Variants in AGBL1 observed in about 807,000 individuals in gnomAD.
AGBL1 encodes AGBL carboxypeptidase 1.
Under a neutral mutation model 118.9 loss-of-function variants are expected in AGBL1, and 130 were observed. The ratio of observed to expected loss-of-function variants is 1.09; its 90% CI spans 0.95 to 1.26. AGBL1 has a LOEUF of 1.26. Among genes scored for constraint, AGBL1 ranks in the 50% most tolerant of loss-of-function variants. AGBL1 has a pLI of 0.00. For synonymous variants in AGBL1, 555 were observed against 478.9 expected (o/e 1.16, Z -2.08); for missense variants, 1,584 against 1,298.1 (o/e 1.22, Z -3.38).
chr15:86,649,508 G>T (rs2085335319), intron 21 of AGBL1, among the ~76,000 whole-genome samples: 1 of 152,084 alleles, frequency 6.6e-6, no homozygotes, highest in Non-Finnish European at 1.5e-5. Context: ...AGAGTGATGT[G>T]TTTTTCCCTA....
intron 1 of AGBL1, among the ~76,000 whole-genome samples, chr15:86,138,006 CA>C (rs1487332087): frequency 9.2e-5 from 14 of 152,160 alleles, no homozygotes; most frequent in Admixed American, 9.2e-4. Flanking sequence ...CAGGGAGTAT[CA>C]GTGGGCATTA....
At chr15:86,190,466 A>C (rs114261671) in intron 5 of AGBL1, among the ~76,000 whole-genome samples, 5,103 of 152,252 alleles carry the variant, frequency 0.034, 141 homozygotes, top group East Asian at 0.074. Context: ...AAAGTAATAA[A>C]ATGTCTATAA....
At chr15:86,755,078 A>C (rs559589889) in intron 22 of AGBL1, among the ~76,000 whole-genome samples, 12 of 152,258 alleles carry the variant, frequency 7.9e-5, no homozygotes, top group African/African-American at 2.9e-4. Context: ...TGTCTGAGAA[A>C]GACCAGATGG....
chr15:86,210,980 G>A lies in AGBL1; in HGVS notation c.489-13934G>A, dbSNP rs995369475. On this transcript the variant is annotated intron_variant, in intron 5 of 22. Transcript: ENST00000614907. ...TTTCTACCTTTGGTCTTTGATGCTGGTGACCTACAGATAGGGTTTTGGTGT... is the reference window on the plus strand; with the variant it reads ...TTTCTACCTTTGGTCTTTGATGCTGATGACCTACAGATAGGGTTTTGGTGT... Among the ~76,000 whole-genome samples the A allele has an allele frequency of 2.0e-5, 3 of 152,166 alleles. No individual in the cohort carries two copies. The East Asian group carries it at 5.8e-4, about 29-fold the overall frequency.
At chr15:86,786,740 CAT>C (rs1359143389) in intron 22 of AGBL1, among the ~76,000 whole-genome samples, 3 of 152,282 alleles carry the variant, frequency 2.0e-5, no homozygotes, top group Admixed American at 6.5e-5. Flanking sequence ...GTTCTTGAGA[CAT>C]ATGCATGTTG....
downstream of AGBL1, among the ~76,000 whole-genome samples, chr15:87,030,391 G>A (rs1002486634): frequency 6.6e-6 from 1 of 151,934 alleles, no homozygotes; most frequent in African/African-American, 2.4e-5. Context: ...TTCTACTGGG[G>A]CAGCTTGAAC....
rs942295574 is a variant in AGBL1, at chr15:86,624,817, G to C, written c.2995-49456G>C. ...GAGGGAGACAAGGTCTGAAAGGTCAGACACCAGCAGCTTGTCGTTCCCTCT... is the reference window on the plus strand; with the variant it reads ...GAGGGAGACAAGGTCTGAAAGGTCACACACCAGCAGCTTGTCGTTCCCTCT... On this transcript the variant is annotated intron_variant, in intron 21 of 22. Transcript: ENST00000614907. Among the ~76,000 whole-genome samples, 3 of 152,290 alleles carry C rather than the reference G, an allele frequency of 2.0e-5. No individual in the cohort carries two copies. The South Asian group carries it at 6.2e-4, about 32-fold the overall frequency.
chr15:86,153,348 T>C (rs2077141970), intron 3 of AGBL1, among the ~76,000 whole-genome samples: 2 of 152,146 alleles, frequency 1.3e-5, no homozygotes, highest in Non-Finnish European at 1.5e-5. Context: ...AGGATGAGTT[T>C]ATTTCCTTTG....
intron 22 of AGBL1, among the ~76,000 whole-genome samples, chr15:86,797,377 T>C (rs2078588071): frequency 6.6e-6 from 1 of 152,206 alleles, no homozygotes; most frequent in Non-Finnish European, 1.5e-5. Context: ...AAGAATAGAA[T>C]GGAAAACCAC....
Position 86,397,378 on chromosome 15 carries a change from A to C in AGBL1, c.2387A>C (p.Tyr796Ser). The change falls in exon 18 of 23, where the codon TAT becomes TCT. Residue 796 changes from tyrosine to serine, a missense_variant. Transcript: ENST00000614907. ...EHLEQFRHRPYQVITARVHPG... is the reference protein window; with the variant it reads ...EHLEQFRHRPSQVITARVHPG... ...CCTTTTTCTGCAGGACATCGTCCAT[A>C]TCAGGTGATCACTGCTCGAGTTCAT... 6.3e-7 allele frequency: 1 copy of C among 1,596,084 alleles called. No homozygotes were observed. Among genetic ancestry groups the C allele is most frequent in the Non-Finnish European group, 8.6e-7 (1 of 1,168,928 alleles).
intron 18 of AGBL1, among the ~76,000 whole-genome samples, chr15:86,514,135 A>C (rs369569469): frequency 6.0e-5 from 9 of 149,178 alleles, no homozygotes; most frequent in South Asian, 2.1e-4. Flanking sequence ...TACACACACA[A>C]ACACACACAC....
At chr15:86,575,396 A>C (rs2084076191) in intron 21 of AGBL1, among the ~76,000 whole-genome samples, 1 of 151,832 alleles carries the variant, frequency 6.6e-6, no homozygotes, top group African/African-American at 2.4e-5. Flanking sequence ...GCTACAAGGG[A>C]GGCTGAGGCA....
Position 86,159,030 on chromosome 15 carries a change from C to G in AGBL1, c.488+4C>G. 6.2e-7 allele frequency: 1 copy of G among 1,612,424 alleles called. No homozygotes were observed. The highest frequency in any genetic ancestry group is 8.5e-7 in the Non-Finnish European group (1 of 1,178,656). On this transcript the variant is annotated splice_donor_region_variant and intron_variant, in intron 5 of 22. Coordinates refer to ENST00000614907, the MANE Select transcript of AGBL1 (RefSeq NM_001386094.1). ...GAAAGCGCACCCAAGCAATCAGGTACAGAGTGCCATGTAATACTTCTGCCC... is the reference window on the plus strand; with the variant it reads ...GAAAGCGCACCCAAGCAATCAGGTAGAGAGTGCCATGTAATACTTCTGCCC...
intron 1 of AGBL1, chr15:86,116,534 G>A (rs1280827447): frequency 1.3e-5 from 2 of 152,206 alleles, no homozygotes; most frequent in South Asian, 2.1e-4. Context: ...AGTCTAATCT[G>A]TTGTGGGCCC....
rs7180868 is a variant in AGBL1, at chr15:86,266,847, G to A, written c.1752-143G>A. On this transcript the variant is annotated intron_variant, in intron 12 of 22. Transcript: ENST00000614907. The stretch of plus-strand genomic sequence containing the variant: ...ACCTGGGAGGCGGAGGTTGCAGTGA[G>A]CTGACATCCCGCCCTGCACTCCAGC... 6,783 of 723,478 alleles carry A rather than the reference G, an allele frequency of 9.4e-3. 346 individuals are homozygous for A. The African/African-American group carries it at 0.11, about 11-fold the overall frequency. The allele number at this position is 723,478 out of a possible 1,614,324, so 44.8% of individuals were successfully genotyped here. A position where few individuals can be genotyped will look rare whatever the true frequency, so the allele number is the denominator to read the frequency against.
At chr15:86,877,053 C>A (rs930048393) in intron 22 of AGBL1, among the ~76,000 whole-genome samples, 2 of 152,158 alleles carry the variant, frequency 1.3e-5, no homozygotes, top group African/African-American at 4.8e-5. Context: ...ATCTCACTCA[C>A]TGCACTTAAT....
chr15:86,477,818 A>C (rs540009034), intron 18 of AGBL1, among the ~76,000 whole-genome samples: 1 of 152,326 alleles, frequency 6.6e-6, no homozygotes, highest in East Asian at 1.9e-4. Context: ...ATGAACATTG[A>C]TGCAAAAATC....
chr15:86,952,082 T>C (rs1161349973), intron 23 of AGBL1, among the ~76,000 whole-genome samples: 1 of 151,886 alleles, frequency 6.6e-6, no homozygotes, highest in Admixed American at 6.6e-5. Flanking sequence ...AATACAAAAA[T>C]TAGTTGTGTG....
At chr15:86,347,176 C>T (rs112998914) in intron 17 of AGBL1, among the ~76,000 whole-genome samples, 1,536 of 152,286 alleles carry the variant, frequency 0.01, 10 homozygotes, top group Middle Eastern at 0.034. Flanking sequence ...ACTCTTTTAG[C>T]TAGCCCTGCA....
Sources: gnomAD v4.1 joint callset for allele counts (sites outside exome capture counted in the v4.1 genomes callset) on GRCh38, gnomAD v4.1.1 for gene constraint, MANE v1.5 for transcripts, NCBI Gene and HGNC (gene_info 2026-07-23, HGNC 2026-07-21) for gene names.